CCDC154: variants seen among roughly 807,000 people sequenced by gnomAD.
CCDC154 encodes the protein coiled-coil domain-containing protein 154.
CCDC154 carries 91 observed loss-of-function variants against 87.5 expected under a neutral mutation model. The observed-to-expected ratio is 1.04, with a 90% confidence interval of 0.88 to 1.24. The LOEUF (loss-of-function observed/expected upper bound fraction) is 1.24. Among genes scored for constraint, CCDC154 ranks in the 50% most tolerant of loss-of-function variants. The probability of loss-of-function intolerance (pLI) is 0.00; values close to 1 mark genes in which losing one functional copy is unlikely to be tolerated. For synonymous variants in CCDC154, 418 were observed against 400.4 expected, an observed-to-expected ratio of 1.04 and a Z score of -0.52; for missense variants, 903 against 879.2, an observed-to-expected ratio of 1.03 and a Z score of -0.34.
chr16:1,442,569 G>A lies in CCDC154; in HGVS notation c.552-40C>T, dbSNP rs527448743. ...TGTGGTCACACCAGCCCAGCTGGCC[G>A]GAGGGCCCAGCAGGGTGAGGCTGAC... On this transcript the variant is annotated intron_variant, in intron 5 of 16. Transcript: ENST00000389176. 179 of 1,492,892 alleles carry A rather than the reference G, an allele frequency of 1.2e-4. No individual in the cohort carries two copies. In the Middle Eastern group the frequency reaches 1.4e-3, roughly 12 times the overall value. 92.5% of individuals were successfully genotyped at this position (1,492,892 alleles called of 1,614,324 possible). A position where few individuals can be genotyped will look rare whatever the true frequency, so the allele number is the denominator to read the frequency against.
chr16:1,434,608 C>T, intron 16 of CCDC154, 60 bp downstream of exon 16: 2 of 1,530,592 alleles, frequency 1.3e-6, no homozygotes, highest in Non-Finnish European at 1.8e-6. Flanking sequence ...CCTGTGGGCC[C>T]CCAGCCCTGA....
At chr16:1,437,604 G>C in intron 11 of CCDC154, 1 of 561,220 alleles carries the variant, frequency 1.8e-6, no homozygotes, top group Admixed American at 3.6e-5. Flanking sequence ...ACGGGCTGCA[G>C]ATGCTGGGCC....
chr16:1,443,251 T>TG lies in CCDC154; in HGVS notation c.455+9dup, dbSNP rs1317034477. 2.6e-6 allele frequency: 4 copies of TG among 1,548,220 alleles called. No individual in the cohort carries two copies. In the South Asian group the frequency reaches 3.6e-5, roughly 14 times the overall value. On this transcript the variant is annotated intron_variant, in intron 4 of 16. Transcript: ENST00000389176. Reference sequence around the variant, plus strand: ...CCCTGGGCCTGTGCCCCTAGGTGTGTGGGGGGTACCTTTTGTCCAGGGCCT... The same window carrying TG: ...CCCTGGGCCTGTGCCCCTAGGTGTGTGGGGGGGTACCTTTTGTCCAGGGCCT...
In CCDC154 at chr16:1,436,460, G is replaced by C; in HGVS notation, c.1472C>G (p.Ala491Gly). The C allele has an allele frequency of 6.5e-7, 1 of 1,548,690 alleles. No homozygotes were observed. The highest frequency in any genetic ancestry group is 8.7e-7 in the Non-Finnish European group (1 of 1,146,914). ...HKSDSDLRIS[A>G]EGKAREFKVG... Reference sequence around the variant, plus strand: ...GAGGCTGTACCTGGCCTTGCCTTCGGCGGAAATCCTGAGGTCTGAGTCGCT... The same window carrying C: ...GAGGCTGTACCTGGCCTTGCCTTCGCCGGAAATCCTGAGGTCTGAGTCGCT... The change falls in exon 13 of 17, where the codon GCC (alanine) becomes GGC (glycine). Residue 491 changes from alanine (A) to glycine (G), a missense_variant. By Grantham distance (60) the Ala-to-Gly change is moderately conservative. Coordinates refer to ENST00000389176, the MANE Select transcript of CCDC154 (RefSeq NM_001143980.3).
rs1422757247 is a variant in CCDC154, at chr16:1,438,676, A to G, written c.968T>C (p.Phe323Ser). 4 of 1,550,028 alleles carry G rather than the reference A, an allele frequency of 2.6e-6. No homozygotes were observed. The highest frequency in any genetic ancestry group is 1.4e-5 in the African/African-American group (1 of 73,134). ...CAGCGACGCCTGGTTCTGCTGCACA[A>G]ACTTGGTCAGCTGGGCCACGGCAGC... Reference protein sequence around the residue: ...LDAAVAQLTKFVQQNQASLNR... With the variant: ...LDAAVAQLTKSVQQNQASLNR... Residue 323 changes from phenylalanine (F) to serine (S), a missense_variant, in exon 9 of 17, where the codon TTT becomes TCT. Coordinates refer to ENST00000389176, the MANE Select transcript of CCDC154 (RefSeq NM_001143980.3).
chr16:1,443,181 A>AC (rs983943173), intron 4 of CCDC154, 80 bp downstream of exon 4: 20 of 1,481,522 alleles, frequency 1.3e-5, no homozygotes, highest in African/African-American at 9.9e-5. Context: ...GGAGATGTGG[A>AC]CCCCCCACCA....
intron 6 of CCDC154, among the ~76,000 whole-genome samples, chr16:1,439,920 T>G (rs1038530886): frequency 6.6e-6 from 1 of 151,368 alleles, no homozygotes; most frequent in Admixed American, 6.6e-5. Flanking sequence ...AGGCCGAGGC[T>G]GGTGGATCAC....
At position 1,443,940 on chromosome 16, in the gene CCDC154, C is replaced by A. The variant is rs879835392; in HGVS notation, c.80G>T (p.Gly27Val). Residue 27 changes from glycine to valine, a missense_variant, in exon 2 of 17, where the codon GGG becomes GTG. Gly to Val is a moderately radical substitution (Grantham distance 109). Transcript: ENST00000389176. ...QLRAVTLEDL[G>V]LLLAGGLASP... ...GGCCAGGCCTCCTGCCAGGAGGAGC[C>A]CCAGGTCTTCCAGGGTGACGGCTCT... The A allele has an allele frequency of 3.8e-6, 5 of 1,303,766 alleles. No individual in the cohort carries two copies. The highest frequency in any genetic ancestry group is 5.1e-6 in the Non-Finnish European group (5 of 988,962). The allele number at this position is 1,303,766 out of a possible 1,614,324, so 80.8% of individuals were successfully genotyped here. A position where few individuals can be genotyped will look rare whatever the true frequency, so the allele number is the denominator to read the frequency against.
chr16:1,434,563 G>GCC, intron 16 of CCDC154, 29 bp from the exon 17 acceptor site: 1 of 1,519,218 alleles, frequency 6.6e-7, no homozygotes, highest in Non-Finnish European at 8.8e-7. Flanking sequence ...CATGGCCCCT[G>GCC]CACCCCCGCC....
Position 1,442,406 on chromosome 16 carries a change from C to G in CCDC154, c.675G>C (p.Gln225His). The change falls in exon 6 of 17, where the codon CAG becomes CAC. Residue 225 changes from glutamine (Q) to histidine (H), a missense_variant and splice_region_variant. Physicochemically the swap from Gln to His is conservative, Grantham distance 24. Transcript: ENST00000389176. Reference protein sequence around the residue: ...RRVDLEVARMQAQVTKLGEEV... With the variant: ...RRVDLEVARMHAQVTKLGEEV... The stretch of plus-strand genomic sequence containing the variant: ...CCCTGAAGCCTGGGCCTGGTGGTAC[C>G]TGCATTCTGGCCACCTCCAGGTCCA... The G allele has an allele frequency of 1.9e-6, 3 of 1,547,130 alleles. No homozygotes were observed. Among genetic ancestry groups the G allele is most frequent in the Non-Finnish European group, 2.6e-6 (3 of 1,145,262 alleles).
chr16:1,437,332 G>A (rs1019846659), intron 11 of CCDC154: 1 of 180,464 alleles, frequency 5.5e-6, no homozygotes, highest in South Asian at 1.5e-4. Context: ...AGACAGGGAG[G>A]GGCCCAGCGG....
rs762415553 is a variant in CCDC154 at position 1,435,992 on chromosome 16, C to T, written c.1582G>A (p.Glu528Lys). 1 of 1,550,076 alleles carries T rather than the reference C, an allele frequency of 6.5e-7. No individual in the cohort carries two copies. The highest frequency in any genetic ancestry group is 1.2e-5 in the South Asian group (1 of 84,022). Residue 528 changes from glutamate to lysine, a missense_variant, in exon 14 of 17, where the codon GAG becomes AAG. Physicochemically the swap from Glu to Lys is moderately conservative, Grantham distance 56. Coordinates refer to ENST00000389176, the MANE Select transcript of CCDC154 (RefSeq NM_001143980.3). ...KEDNPGRKIA[E>K]MQGKLATFQN... Reference sequence around the variant, plus strand: ...ACCGTGGCCAGCTTGCCCTGCATCTCCGCGATCTTCCGCCCAGGGTTGTCT... The same window carrying T: ...ACCGTGGCCAGCTTGCCCTGCATCTTCGCGATCTTCCGCCCAGGGTTGTCT...
chr16:1,436,803 G>A lies in CCDC154; in HGVS notation c.1299C>T (p.Thr433=), dbSNP rs369531400. Residue 433 remains threonine, a synonymous_variant, in exon 12 of 17, where the codon ACC becomes ACT. Coordinates refer to ENST00000389176, the MANE Select transcript of CCDC154 (RefSeq NM_001143980.3). ...MLGLRLSEAK[T]EWEGAERKSL... ...ACTTCCTCTCTGCACCTTCCCATTC[G>A]GTCTTTGCCTGGGGTACAGATGCCC... is the stretch of plus-strand genomic sequence containing the variant. The A allele has an allele frequency of 1.4e-5, 22 of 1,550,492 alleles. No homozygotes were observed. Among genetic ancestry groups the A allele is most frequent in the African/African-American group, 2.7e-5 (2 of 73,168 alleles).
At position 1,442,119 on chromosome 16, in the gene CCDC154, T is replaced by C. The variant is rs141921367; in HGVS notation, c.675+287A>G. Among the ~76,000 whole-genome samples the C allele has an allele frequency of 7.2e-3, 1,090 of 152,226 alleles. 20 individuals carry two copies. The highest frequency in any genetic ancestry group is 0.025 in the African/African-American group (1,035 of 41,538). On this transcript the variant is annotated intron_variant, in intron 6 of 16. Coordinates refer to ENST00000389176, the MANE Select transcript of CCDC154 (RefSeq NM_001143980.3). ...TTTTAGTAGAGATGGGGTTTCACCA[T>C]GTTGGCCAGGCTGGTCTTGAACTCC...
chr16:1,443,906 C>A lies in CCDC154; in HGVS notation c.114G>T (p.Glu38Asp). The A allele has an allele frequency of 2.3e-6, 3 of 1,304,140 alleles. No homozygotes were observed. Among genetic ancestry groups the A allele is most frequent in the Non-Finnish European group, 3.0e-6 (3 of 988,966 alleles). The allele number at this position is 1,304,140 out of a possible 1,614,324, so 80.8% of individuals were successfully genotyped here. The stretch of plus-strand genomic sequence containing the variant: ...CCGAGAGCTCCTCCAGGCTCAAGGG[C>A]TCGGGGCTGGCCAGGCCTCCTGCCA... ...LLLAGGLASP[E>D]PLSLEELSER... The change falls in exon 2 of 17, where the codon GAG becomes GAT. Residue 38 changes from glutamate (E) to aspartate (D), a missense_variant. Physicochemically the swap from Glu to Asp is conservative, Grantham distance 45 (BLOSUM62 2). Transcript: ENST00000389176.
chr16:1,438,299 G>A (rs2038520239), intron 9 of CCDC154, 123 bp from the exon 10 acceptor site: 1 of 1,264,304 alleles, frequency 7.9e-7, no homozygotes, highest in African/African-American at 1.5e-5. Flanking sequence ...TCGGAAGATG[G>A]GGTGCGGTCA....
intron 6 of CCDC154, among the ~76,000 whole-genome samples, chr16:1,441,182 C>A (rs761576925): frequency 5.3e-5 from 8 of 152,184 alleles, no homozygotes; most frequent in Admixed American, 1.3e-4. Context: ...CTCAGACACC[C>A]GGACTCAGGG....
At position 1,443,704 on chromosome 16, in the gene CCDC154, G is replaced by T. The variant is rs1438069092; in HGVS notation, c.225-9C>A. 1 of 1,293,636 alleles carries T rather than the reference G, an allele frequency of 7.7e-7. No homozygotes were observed. The highest frequency in any genetic ancestry group is 5.1e-5 in the East Asian group (1 of 19,502). The allele number at this position is 1,293,636 out of a possible 1,614,324, so 80.1% of individuals were successfully genotyped here. A position where few individuals can be genotyped will look rare whatever the true frequency, so the allele number is the denominator to read the frequency against. On this transcript the variant is annotated splice_polypyrimidine_tract_variant and intron_variant, in intron 2 of 16. Coordinates refer to ENST00000389176, the MANE Select transcript of CCDC154 (RefSeq NM_001143980.3). The stretch of plus-strand genomic sequence containing the variant: ...CCTGCAGCTCCACCACCCTGGCCGG[G>T]GCGAGAGTGGGCGAGTCTGGCGGTG...
chr16:1,439,240 G>A (rs1368505261), intron 6 of CCDC154, 114 bp from the exon 7 acceptor site: 69 of 940,810 alleles, frequency 7.3e-5, no homozygotes, highest in Non-Finnish European at 3.2e-6. Flanking sequence ...CAAGCCCTGA[G>A]CCCGGCTGAG....
Sources: gnomAD v4.1 joint callset for allele counts (sites outside exome capture counted in the v4.1 genomes callset) on GRCh38, gnomAD v4.1.1 for gene constraint, MANE v1.5 for transcripts, NCBI Gene and HGNC (gene_info 2026-07-23, HGNC 2026-07-21) for gene names.